AGAP3: variants seen among roughly 807,000 people sequenced by gnomAD.
AGAP3 encodes arf-GAP with GTPase, ANK repeat and PH domain-containing protein 3.
Under a neutral mutation model 96.9 loss-of-function variants are expected in AGAP3, and 24 were observed. The observed-to-expected ratio is 0.25, with a 90% CI of 0.18 to 0.35. AGAP3 has a LOEUF of 0.35. Ranked by LOEUF, AGAP3 falls within the 10% of genes least tolerant of loss-of-function variation. The pLI, the probability that AGAP3 is intolerant of heterozygous loss-of-function variation, is 1.00. For missense variants in AGAP3, 876 were observed against 1,254.2 expected (o/e 0.70, Z 4.55); for synonymous variants, 563 against 536.1 (o/e 1.05, Z -0.69).
At chr7:151,125,102 C>T (rs1331210964) in intron 9 of AGAP3, among the ~76,000 whole-genome samples, 2 of 152,202 alleles carry the variant, frequency 1.3e-5, no homozygotes, top group African/African-American at 2.4e-5. Flanking sequence ...GATCCCCTCT[C>T]TCCGGGCACC....
At position 151,138,298 on chromosome 7, in the gene AGAP3, G is replaced by C; in HGVS notation, c.1651G>C (p.Gly551Arg). The C allele has an allele frequency of 6.2e-7, 1 of 1,612,032 alleles. No homozygotes were observed. Among genetic ancestry groups the C allele is most frequent in the Non-Finnish European group, 8.5e-7 (1 of 1,179,300 alleles). ...WSEATTSLPP[G>R]MQHPASGPAE... ...TGAGGCCACCACTTCCCTGCCCCCA[G>C]GCATGCAGCACCCTGGTGAGTGGTG... Residue 551 changes from glycine to arginine, a missense_variant, in exon 12 of 18, where the codon GGC becomes CGC. Around this residue, in one of 8 missense-constraint regions of AGAP3, gnomAD observed 155 missense variants for 144.4 expected, o/e 1.07. Transcript: ENST00000397238.
At chr7:151,115,684 G>A in intron 1 of AGAP3, 1 of 1,109,676 alleles carries the variant, frequency 9.0e-7, no homozygotes, top group Non-Finnish European at 1.1e-6. Flanking sequence ...AAAACAGCTC[G>A]CGGGAGAAAA....
Position 151,114,790 on chromosome 7 carries a change from AG to A in AGAP3, c.332-1998del. ...CTGAGCATGGAGCGGGGCTGGCCGC[AG>A]GGGGACAGCTGTCCCGGGGAGCGGC... is the stretch of plus-strand genomic sequence containing the variant. On this transcript the variant is annotated intron_variant, in intron 1 of 17. Coordinates refer to ENST00000397238, the MANE Select transcript of AGAP3 (RefSeq NM_031946.7). This position sits in a 1 kb window ranked among gnomAD's most constrained non-coding sequence, Gnocchi z 4.4. The A allele has an allele frequency of 9.7e-7, 1 of 1,034,858 alleles. No individual in the cohort carries two copies. The highest frequency in any genetic ancestry group is 1.2e-6 in the Non-Finnish European group (1 of 864,526). 64.1% of individuals were successfully genotyped at this position (1,034,858 alleles called of 1,614,324 possible). A position where few individuals can be genotyped will look rare whatever the true frequency, so the allele number is the denominator to read the frequency against.
intron 8 of AGAP3, 91 bp downstream of exon 8, chr7:151,120,236 C>T (rs1799812930): frequency 1.4e-6 from 2 of 1,390,092 alleles, no homozygotes; most frequent in Admixed American, 2.1e-5. Context: ...GCGTGGGCAG[C>T]CCCAAGTCAG....
intron 11 of AGAP3, chr7:151,137,816 G>A (rs1427036154): frequency 2.7e-6 from 1 of 370,496 alleles, no homozygotes. Context: ...GGCCCCTCAA[G>A]GAGCACTGCG....
chr7:151,091,584 G>A (rs1798401643), intron 1 of AGAP3, among the ~76,000 whole-genome samples: 1 of 152,218 alleles, frequency 6.6e-6, no homozygotes, highest in Non-Finnish European at 1.5e-5. Context: ...GAGGCACTGG[G>A]AGTCCAGAAG....
At chr7:151,106,043 T>TATTC (rs1290121091) in intron 1 of AGAP3, among the ~76,000 whole-genome samples, 1 of 152,008 alleles carries the variant, frequency 6.6e-6, no homozygotes, top group Non-Finnish European at 1.5e-5. Context: ...TAGCACCCAA[T>TATTC]ATTCCTTTGA....
rs1032981426 is a variant in AGAP3, at chr7:151,114,212, C to T, written c.332-2581C>T. ...CAGAGCCGAAACTAAGACAGGACCA[C>T]CTCGTTGAAGCTCGCGTGCTGCAGA... On this transcript the variant is annotated intron_variant, in intron 1 of 17. Coordinates refer to ENST00000397238, the MANE Select transcript of AGAP3 (RefSeq NM_031946.7). The surrounding 1 kb of genome is among the most constrained non-coding windows in gnomAD (Gnocchi z 4.4). 2.0e-5 allele frequency among the ~76,000 whole-genome samples: 3 copies of T among 152,260 alleles called. No individual in the cohort carries two copies. Among genetic ancestry groups the T allele is most frequent in the Non-Finnish European group, 4.4e-5 (3 of 68,050 alleles).
At chr7:151,116,049 G>A (rs1340765538) in intron 1 of AGAP3, among the ~76,000 whole-genome samples, 1 of 152,222 alleles carries the variant, frequency 6.6e-6, no homozygotes, top group Non-Finnish European at 1.5e-5. Context: ...AAGCAGTGCT[G>A]CCCAGCTAGA....
chr7:151,100,525 C>G (rs927484858), intron 1 of AGAP3, among the ~76,000 whole-genome samples: 3 of 152,170 alleles, frequency 2.0e-5, no homozygotes, highest in Non-Finnish European at 4.4e-5. Context: ...TAATTAGCAC[C>G]CTTATAAAAA....
rs551775029 is a variant in AGAP3, at chr7:151,132,424, T to C, written c.1327-1976T>C. On this transcript the variant is annotated intron_variant, in intron 10 of 17. Coordinates refer to ENST00000397238, the MANE Select transcript of AGAP3 (RefSeq NM_031946.7). ...AGAGGACTGGGGTGGCAGGAGGGCA[T>C]AGGTAAGCCCAGGGCTGCCAGGAGC... Among the ~76,000 whole-genome samples the C allele has an allele frequency of 2.6e-5, 4 of 152,284 alleles. No homozygotes were observed. The South Asian group carries it at 8.3e-4, about 32-fold the overall frequency.
chr7:151,116,985 C>T (rs1799621442), intron 2 of AGAP3, 110 bp from the exon 3 acceptor site: 5 of 1,463,604 alleles, frequency 3.4e-6, no homozygotes, highest in Non-Finnish European at 3.8e-6. Flanking sequence ...CCTCTCTCCT[C>T]CCCTTCAGCC....
At chr7:151,127,878 T>C (rs1404720174) in intron 9 of AGAP3, among the ~76,000 whole-genome samples, 1 of 152,200 alleles carries the variant, frequency 6.6e-6, no homozygotes, top group Non-Finnish European at 1.5e-5. Context: ...TTCCAACATA[T>C]GTTTACTGGG....
rs1563464076 is a variant in AGAP3, at chr7:151,114,875, G to A, written c.332-1918G>A. On this transcript the variant is annotated intron_variant, in intron 1 of 17. Transcript: ENST00000397238. The surrounding 1 kb of genome is among the most constrained non-coding windows in gnomAD (Gnocchi z 4.4). The stretch of plus-strand genomic sequence containing the variant: ...ACTCGCTGGACCTGCACGGCGCCTC[G>A]GCCGGCCGCGCTGCCGCCGCCCTGC... 2 of 1,012,014 alleles carry A rather than the reference G, an allele frequency of 2.0e-6. No individual in the cohort carries two copies. The highest frequency in any genetic ancestry group is 1.7e-5 in the African/African-American group (1 of 57,234). 62.7% of individuals were successfully genotyped at this position (1,012,014 alleles called of 1,614,324 possible). A position where few individuals can be genotyped will look rare whatever the true frequency, so the allele number is the denominator to read the frequency against.
intron 8 of AGAP3, among the ~76,000 whole-genome samples, chr7:151,122,310 C>T (rs535324957): frequency 3.9e-5 from 6 of 152,188 alleles, no homozygotes; most frequent in Admixed American, 6.5e-5. Context: ...CTCTTTTGCC[C>T]GGTTCTCCTT....
intron 12 of AGAP3, among the ~76,000 whole-genome samples, 158 bp downstream of exon 12, chr7:151,138,471 C>T (rs1198225066): frequency 6.6e-6 from 1 of 152,224 alleles, no homozygotes; most frequent in Non-Finnish European, 1.5e-5. Context: ...TCAGAGAGAC[C>T]CTGCTTCGGG....
Position 151,114,731 on chromosome 7 carries a change from C to T in AGAP3, c.332-2062C>T. On this transcript the variant is annotated intron_variant, in intron 1 of 17. Transcript: ENST00000397238. The surrounding 1 kb of genome is among the most constrained non-coding windows in gnomAD (Gnocchi z 4.4). Reference sequence around the variant, plus strand: ...CCCCGGCCCGGGCCCAGCCCCGTGCCCCTCGCCATGGGCCTGGCCCGCGCC... The same window carrying T: ...CCCCGGCCCGGGCCCAGCCCCGTGCTCCTCGCCATGGGCCTGGCCCGCGCC... 9.9e-7 allele frequency: 1 copy of T among 1,010,210 alleles called. No individual in the cohort carries two copies. Among genetic ancestry groups the T allele is most frequent in the East Asian group, 1.0e-4 (1 of 10,020 alleles). 62.6% of individuals were successfully genotyped at this position (1,010,210 alleles called of 1,614,324 possible).
intron 8 of AGAP3, 187 bp from the exon 9 acceptor site, chr7:151,123,607 G>A (rs765581923): frequency 6.0e-5 from 86 of 1,442,966 alleles, no homozygotes; most frequent in Non-Finnish European, 7.0e-5. Context: ...TCTGTATGGT[G>A]CCGTGTGTAA....
intron 1 of AGAP3, among the ~76,000 whole-genome samples, chr7:151,088,177 T>A (rs1231809415): frequency 6.6e-6 from 1 of 152,234 alleles, no homozygotes; most frequent in Non-Finnish European, 1.5e-5. Flanking sequence ...TGGGGGATAG[T>A]GCACCTGAAC....
Sources: allele counts gnomAD v4.1 joint callset (sites outside exome capture counted in the v4.1 genomes callset), GRCh38; gene constraint gnomAD v4.1.1; regional missense constraint gnomAD v4.1.1; non-coding constraint Gnocchi (gnomAD v3.1); transcripts MANE v1.5; gene names NCBI Gene and HGNC (gene_info 2026-07-23, HGNC 2026-07-21).